Variants in PCDHA1 observed in about 807,000 individuals in gnomAD.
The protein encoded by PCDHA1 is protocadherin alpha 1.
Under a neutral mutation model 61.3 loss-of-function variants are expected in PCDHA1, and 42 were observed. That is an observed-to-expected ratio of 0.69 (90% CI 0.54 to 0.89). The LOEUF (loss-of-function observed/expected upper bound fraction) is 0.89. Among genes scored for constraint, PCDHA1 ranks in the 40% least tolerant of loss-of-function variants. The pLI, the probability that PCDHA1 is intolerant of heterozygous loss-of-function variation, is 0.00. For missense variants in PCDHA1, 1,256 were observed against 1,235.3 expected, an observed-to-expected ratio of 1.02 and a Z score of -0.25; for synonymous variants, 610 against 553.8, an observed-to-expected ratio of 1.10 and a Z score of -1.43.
chr5:140,838,277 C>A (rs1372363386), intron 1 of PCDHA1, among the ~76,000 whole-genome samples: 1 of 74,748 alleles, frequency 1.3e-5, no homozygotes, highest in South Asian at 4.1e-4. Context: ...CCAAGCCATG[C>A]TAATTTTTTT....
intron 3 of PCDHA1, among the ~76,000 whole-genome samples, chr5:140,985,060 C>A (rs1377386395): frequency 6.6e-6 from 1 of 152,066 alleles, no homozygotes; most frequent in Admixed American, 6.5e-5. Flanking sequence ...GCCTCAGCCT[C>A]CTGAGTAGCT....
intron 1 of PCDHA1, among the ~76,000 whole-genome samples, chr5:140,932,192 TTC>T (rs2088100364): frequency 6.6e-6 from 1 of 151,968 alleles, no homozygotes. Context: ...GTCCATTTTT[TTC>T]TGTTAATATT....
intron 1 of PCDHA1, chr5:140,860,410 A>T (rs2046380485): frequency 6.6e-6 from 1 of 152,082 alleles, no homozygotes; most frequent in Non-Finnish European, 1.5e-5. Context: ...AGCAATAGTA[A>T]CACCATTATC....
chr5:140,809,319 T>G (rs782158465), intron 1 of PCDHA1: 1 of 1,614,108 alleles, frequency 6.2e-7, no homozygotes. Context: ...TCCAGCCTTT[T>G]GGTGCTCACG....
chr5:140,862,716 G>T, intron 1 of PCDHA1: 3 of 564,370 alleles, frequency 5.3e-6, no homozygotes, highest in Non-Finnish European at 1.0e-5. Flanking sequence ...GGGTGGGCGA[G>T]TGCGCGCTGT....
intron 1 of PCDHA1, among the ~76,000 whole-genome samples, chr5:140,891,266 T>G (rs1301781810): frequency 1.3e-5 from 2 of 152,188 alleles, no homozygotes; most frequent in Non-Finnish European, 2.9e-5. Context: ...ATTTTTAATT[T>G]TTCCGTAAGT....
chr5:140,862,466 CA>C, intron 1 of PCDHA1: 1 of 371,398 alleles, frequency 2.7e-6, no homozygotes. Context: ...ACCAAGAGAG[CA>C]AATCTATCCA....
intron 1 of PCDHA1, among the ~76,000 whole-genome samples, chr5:140,907,449 A>G (rs1554192997): frequency 6.6e-6 from 1 of 152,232 alleles, no homozygotes; most frequent in Admixed American, 6.5e-5. Flanking sequence ...ACAGATGGTA[A>G]TCTTGGCAGA....
chr5:140,869,813 A>G, intron 1 of PCDHA1: 2 of 1,612,416 alleles, frequency 1.2e-6, no homozygotes, highest in Non-Finnish European at 1.7e-6. Context: ...GATGTCAACG[A>G]CAATGATCCA....
intron 1 of PCDHA1, chr5:140,809,344 C>A (rs782610697): frequency 2.2e-5 from 35 of 1,614,082 alleles, no homozygotes; most frequent in Middle Eastern, 1.7e-4. Flanking sequence ...TGCTGTACAC[C>A]GCGCTGCGGT....
intron 3 of PCDHA1, among the ~76,000 whole-genome samples, chr5:141,007,395 C>CAAAAAAAAAAAAAAAA (rs35800918): frequency 3.2e-5 from 3 of 94,864 alleles, no homozygotes; most frequent in Non-Finnish European, 4.1e-5. Flanking sequence ...TACTAAAATA[C>CAAAAAAAAAAAAAAAA]AAAAAAAAAA....
At chr5:140,914,817 C>T (rs2076857750) in intron 1 of PCDHA1, among the ~76,000 whole-genome samples, 1 of 152,040 alleles carries the variant, frequency 6.6e-6, no homozygotes, top group African/African-American at 2.4e-5. Flanking sequence ...ACTTAACAGA[C>T]TGCATAAACA....
rs2150138849 is a variant in PCDHA1, at chr5:140,825,337, T to C, written c.2394+36653T>C. On this transcript the variant is annotated intron_variant, in intron 1 of 3. Transcript: ENST00000504120. Reference sequence around the variant, plus strand: ...AATTTTCTGGAAATTTGCATATTTTTCAATATATCTAATATATATTAGATA... The same window carrying C: ...AATTTTCTGGAAATTTGCATATTTTCCAATATATCTAATATATATTAGATA... 3 of 148,006 alleles carry C rather than the reference T, an allele frequency of 2.0e-5. No individual in the cohort carries two copies. In the East Asian group the frequency reaches 5.8e-4, roughly 29 times the overall value. 9.2% of individuals were successfully genotyped at this position (148,006 alleles called of 1,614,324 possible). A position where few individuals can be genotyped will look rare whatever the true frequency, so the allele number is the denominator to read the frequency against.
intron 1 of PCDHA1, chr5:140,802,224 A>G: frequency 1.2e-6 from 2 of 1,614,250 alleles, no homozygotes; most frequent in African/African-American, 1.3e-5. Flanking sequence ...AATTGTGGAC[A>G]TCAATGATAA....
In PCDHA1 at chr5:140,876,910, T is replaced by C. The variant is rs184817309; in HGVS notation, c.2394+88226T>C. On this transcript the variant is annotated intron_variant, in intron 1 of 3. Transcript: ENST00000504120. ...CTGCCACATCTTCACGGTGTCGGCA[T>C]GGGACGCGGACGCGCAGAAGAACGC... 5 of 1,613,976 alleles carry C rather than the reference T, an allele frequency of 3.1e-6. No individual in the cohort carries two copies. In the African/African-American group the frequency reaches 4.0e-5, roughly 13 times the overall value.
intron 1 of PCDHA1, chr5:140,875,357 C>T: frequency 1.4e-6 from 2 of 1,446,712 alleles, no homozygotes; most frequent in South Asian, 1.5e-5. Flanking sequence ...GACTGTGATG[C>T]TGGAAAAAAT....
intron 1 of PCDHA1, chr5:140,967,272 T>A: frequency 1.2e-6 from 2 of 1,613,412 alleles, no homozygotes; most frequent in Non-Finnish European, 1.7e-6. Context: ...CGCTTTCACA[T>A]AGAGAGTGCG....
At chr5:141,001,388 TAC>T (rs1234412755) in intron 3 of PCDHA1, among the ~76,000 whole-genome samples, 4 of 152,238 alleles carry the variant, frequency 2.6e-5, no homozygotes, top group Non-Finnish European at 5.9e-5. Flanking sequence ...CCTAAGATCC[TAC>T]AGAGAACAGG....
intron 1 of PCDHA1, among the ~76,000 whole-genome samples, chr5:140,943,614 A>G (rs1269579212): frequency 6.6e-6 from 1 of 152,220 alleles, no homozygotes; most frequent in Admixed American, 6.5e-5. Context: ...ACTTTGATTC[A>G]TCTGCATAAG....
Sources: allele counts gnomAD v4.1 joint callset (sites outside exome capture counted in the v4.1 genomes callset), GRCh38; gene constraint gnomAD v4.1.1; transcripts MANE v1.5; gene names NCBI Gene and HGNC (gene_info 2026-07-23, HGNC 2026-07-21).